The following PABPC4 variants were observed in gnomAD, a reference collection of about 807,000 sequenced individuals.
The protein encoded by PABPC4 is polyadenylate-binding protein 4.
Under a neutral mutation model 74.5 loss-of-function variants are expected in PABPC4, and 15 were observed. The observed-to-expected ratio is 0.20, with a 90% CI of 0.13 to 0.31. PABPC4 has a LOEUF of 0.31. PABPC4 is among the 10% of genes least tolerant of loss of function. The pLI, the probability that PABPC4 is intolerant of heterozygous loss-of-function variation, is 1.00. For missense variants in PABPC4, 610 were observed against 853.5 expected (o/e 0.71, Z 3.55); for synonymous variants, 345 against 303.0 (o/e 1.14, Z -1.44).
chr1:39,561,963 G>A lies in PABPC4; in HGVS notation c.1893+110C>T. 3 of 1,310,804 alleles carry A rather than the reference G, an allele frequency of 2.3e-6. No homozygotes were observed. In the South Asian group the frequency reaches 4.1e-5, roughly 18 times the overall value. The allele number at this position is 1,310,804 out of a possible 1,614,324, so 81.2% of individuals were successfully genotyped here. ...CAGTCACAGTCAAGGCATGACGAGA[G>A]GGGTCCTGGGGGCAGCAGATCCCAC... is the stretch of plus-strand genomic sequence containing the variant. On this transcript the variant is annotated intron_variant, in intron 14 of 15. Transcript: ENST00000372858.
chr1:39,573,247 T>TA (rs1645968621), intron 1 of PABPC4: 1 of 151,642 alleles, frequency 6.6e-6, no homozygotes, highest in South Asian at 2.1e-4. Flanking sequence ...GAAATTGACT[T>TA]AAACAAAAAA....
intron 12 of PABPC4, 82 bp downstream of exon 12, chr1:39,563,532 G>A: frequency 1.3e-6 from 2 of 1,514,022 alleles, no homozygotes; most frequent in Non-Finnish European, 1.8e-6. Context: ...AATACCTGTT[G>A]AAGGAATCAA....
chr1:39,575,601 G>A (rs985647684), intron 1 of PABPC4, among the ~76,000 whole-genome samples, 158 bp downstream of exon 1: 1 of 152,218 alleles, frequency 6.6e-6, no homozygotes, highest in Non-Finnish European at 1.5e-5. Flanking sequence ...CGAGTCATCT[G>A]ATGCCAGGTC....
chr1:39,567,831 T>C lies in PABPC4; in HGVS notation c.892A>G (p.Ile298Val), dbSNP rs758785234. 8.8e-6 allele frequency: 14 copies of C among 1,582,946 alleles called. No individual in the cohort carries two copies. The highest frequency in any genetic ancestry group is 2.2e-5 in the East Asian group (1 of 44,770). Residue 298 changes from isoleucine (I) to valine (V), a missense_variant, in exon 7 of 16, where the codon ATT becomes GTT. Physicochemically the swap from Ile to Val is conservative, Grantham distance 29. This residue lies in a region of PABPC4 where 304 missense variants were observed against 478.9 expected (regional missense o/e 0.63). Transcript: ENST00000372858. ...TCAATAGTGTCATCCAAGTTCTTAA[T>C]GTAGAGATTCACCCCCTGAAGGAAA... is the stretch of plus-strand genomic sequence containing the variant. ...ISRYQGVNLY[I>V]KNLDDTIDDE... is the part of the protein sequence containing the mutation.
chr1:39,568,655 T>C (rs749696047), intron 6 of PABPC4, 147 bp downstream of exon 6: 16 of 715,810 alleles, frequency 2.2e-5, no homozygotes, highest in Non-Finnish European at 3.4e-5. Context: ...GTAGTAGGTA[T>C]ATATCCTTTT....
At chr1:39,567,661 A>C in intron 7 of PABPC4, 90 bp downstream of exon 7, 1 of 761,412 alleles carries the variant, frequency 1.3e-6, no homozygotes, top group Non-Finnish European at 2.3e-6. Context: ...AAATGAACAT[A>C]ATTTAAATGC....
rs1646028053 is a variant in PABPC4, at chr1:39,576,479, C to T, written c.-528G>A. The T allele has an allele frequency of 6.7e-6, 1 of 150,126 alleles. No homozygotes were observed. The highest frequency in any genetic ancestry group is 1.8e-4 in the South Asian group (1 of 5,458). The allele number at this position is 150,126 out of a possible 1,614,324, so 9.3% of individuals were successfully genotyped here. A position where few individuals can be genotyped will look rare whatever the true frequency, so the allele number is the denominator to read the frequency against. On this transcript the variant is annotated 5_prime_UTR_variant, in exon 1 of 16. Transcript: ENST00000372858. ...AGGGCAGCACGGACACGTGGTGCGCCGGGGCAGGCGCGGGGCGCGGGGCTC... is the reference window on the plus strand; with the variant it reads ...AGGGCAGCACGGACACGTGGTGCGCTGGGGCAGGCGCGGGGCGCGGGGCTC...
In PABPC4 at chr1:39,565,410, AG is replaced by A. The variant is rs780286408; in HGVS notation, c.973-33del. On this transcript the variant is annotated intron_variant, in intron 7 of 15. Coordinates refer to ENST00000372858, the MANE Select transcript of PABPC4 (RefSeq NM_001135653.2). ...AATGAGACCAGCTACTTAAGAAATA[AG>A]GTGTCCCTGGCTGGGTGTGATGGCT... 1.5e-5 allele frequency: 24 copies of A among 1,588,116 alleles called. No individual in the cohort carries two copies. In the African/African-American group the frequency reaches 2.7e-4, roughly 18 times the overall value.
chr1:39,567,316 G>A lies in PABPC4; in HGVS notation c.972+435C>T, dbSNP rs1557716312. 1.0e-5 allele frequency: 5 copies of A among 500,310 alleles called. 1 individual carries two copies. The East Asian group carries it at 2.2e-4, about 22-fold the overall frequency. 31.0% of individuals were successfully genotyped at this position (500,310 alleles called of 1,614,324 possible). ...CCCTTTCCTCTCTTTTTAAGACCAG[G>A]GTAGAAGTTCCCAAGCCCACCTCCA... On this transcript the variant is annotated intron_variant, in intron 7 of 15. Transcript: ENST00000372858.
At chr1:39,566,515 CA>C (rs1645845650) in intron 7 of PABPC4, among the ~76,000 whole-genome samples, 2 of 152,210 alleles carry the variant, frequency 1.3e-5, no homozygotes, top group Admixed American at 6.5e-5. Flanking sequence ...TCACAAATGG[CA>C]TTCTTCCTAA....
chr1:39,562,494 C>T, intron 12 of PABPC4, 78 bp from the exon 13 acceptor site: 1 of 983,172 alleles, frequency 1.0e-6, no homozygotes, highest in East Asian at 2.5e-5. Flanking sequence ...TGTTCAATAT[C>T]TGAACATCTG....
chr1:39,567,897 C>T (rs913589592), intron 6 of PABPC4, 51 bp from the exon 7 acceptor site: 2 of 1,082,896 alleles, frequency 1.8e-6, no homozygotes, highest in East Asian at 2.4e-5. Flanking sequence ...CAAATATTCC[C>T]TAAGAAAGTG....
chr1:39,571,512 T>G, intron 2 of PABPC4, 163 bp from the exon 3 acceptor site: 2 of 675,066 alleles, frequency 3.0e-6, no homozygotes, highest in South Asian at 3.6e-5. Context: ...ACCAGGTGCC[T>G]AGTAAGTGTT....
In PABPC4 at chr1:39,563,651, C is replaced by T. The variant is rs1323136876; in HGVS notation, c.1631G>A (p.Ser544Asn). ...TATGGCAGGATGAGGGCTGCGGACA[C>T]TGGAGGCGTATTTGTAGGGGGCAAC... ...RAVAPYKYASSVRSPHPAIQP... is the reference protein window; with the variant it reads ...RAVAPYKYASNVRSPHPAIQP... Residue 544 changes from serine (S) to asparagine (N), a missense_variant, in exon 12 of 16, where the codon AGT becomes AAT. Ser to Asn is a conservative substitution (Grantham distance 46). Coordinates refer to ENST00000372858, the MANE Select transcript of PABPC4 (RefSeq NM_001135653.2). The T allele has an allele frequency of 1.2e-6, 2 of 1,614,230 alleles. No homozygotes were observed. The highest frequency in any genetic ancestry group is 1.7e-6 in the Non-Finnish European group (2 of 1,180,044).
At position 39,565,472 on chromosome 1, in the gene PABPC4, T is replaced by G. The variant is rs1570377669; in HGVS notation, c.973-94A>C. ...ATCCCAGCACTTTGGAAGGCTGAGGTGGGAGGGCTGCTTGAGCTCAGGAGG... is the reference window on the plus strand; with the variant it reads ...ATCCCAGCACTTTGGAAGGCTGAGGGGGGAGGGCTGCTTGAGCTCAGGAGG... On this transcript the variant is annotated intron_variant, in intron 7 of 15. Coordinates refer to ENST00000372858, the MANE Select transcript of PABPC4 (RefSeq NM_001135653.2). The G allele has an allele frequency of 4.6e-6, 6 of 1,318,674 alleles. No homozygotes were observed. In the South Asian group the frequency reaches 6.8e-5, roughly 15 times the overall value. 81.7% of individuals were successfully genotyped at this position (1,318,674 alleles called of 1,614,324 possible).
At chr1:39,562,278 C>T (rs1645777951) in intron 13 of PABPC4, 45 bp downstream of exon 13, 4 of 1,610,536 alleles carry the variant, frequency 2.5e-6, no homozygotes, top group Non-Finnish European at 3.4e-6. Context: ...TAGCTGGCAT[C>T]AGGCTCTGGG....
intron 2 of PABPC4, chr1:39,571,638 C>G (rs751100381): frequency 1.1e-5 from 6 of 522,006 alleles, no homozygotes; most frequent in Non-Finnish European, 3.7e-6. Flanking sequence ...CCTGTAATCC[C>G]AATGCTTTGG....
Position 39,564,515 on chromosome 1 carries a change from C to T in PABPC4, c.1361G>A (p.Arg454His), listed in dbSNP as rs1243524914. 3.1e-6 allele frequency: 5 copies of T among 1,614,152 alleles called. No homozygotes were observed. Among genetic ancestry groups the T allele is most frequent in the Non-Finnish European group, 4.2e-6 (5 of 1,180,000 alleles). Residue 454 changes from arginine (R) to histidine (H), a missense_variant, in exon 10 of 16, where the codon CGC (arginine) becomes CAC (histidine). Around this residue, in one of 4 missense-constraint regions of PABPC4, gnomAD observed 277 missense variants for 301.8 expected, o/e 0.92. Coordinates refer to ENST00000372858, the MANE Select transcript of PABPC4 (RefSeq NM_001135653.2). ...QGFQGMPSAI[R>H]QSGPRPTLRH... Reference sequence around the variant, plus strand: ...AAGAGTTGGACGAGGCCCAGACTGGCGTATAGCACTTGGCATTCCTTGGAA... The same window carrying T: ...AAGAGTTGGACGAGGCCCAGACTGGTGTATAGCACTTGGCATTCCTTGGAA...
rs199682492 is a variant in PABPC4, at chr1:39,563,911, G to A, written c.1465C>T (p.Pro489Ser). The A allele has an allele frequency of 1.2e-6, 2 of 1,614,174 alleles. No homozygotes were observed. The highest frequency in any genetic ancestry group is 2.2e-5 in the East Asian group (1 of 44,886). The change falls in exon 11 of 16, where the codon CCG becomes TCG. Residue 489 changes from proline (P) to serine (S), a missense_variant. By Grantham distance (74) the Pro-to-Ser change is moderately conservative. This residue lies in a region of PABPC4 where 277 missense variants were observed against 301.8 expected (regional missense o/e 0.92). Transcript: ENST00000372858. The part of the protein sequence containing the change: ...TTTQRVGSEC[P>S]DRLAMDFGGA... ...CCAAAGTCCATAGCCAAGCGGTCCG[G>A]GCACTCAGACCCTACAACAGACCAG...
Sources: gnomAD v4.1 joint callset for allele counts (sites outside exome capture counted in the v4.1 genomes callset) on GRCh38, gnomAD v4.1.1 for gene constraint, gnomAD v4.1.1 regional missense constraint, MANE v1.5 for transcripts, NCBI Gene and HGNC (gene_info 2026-07-23, HGNC 2026-07-21) for gene names.